Variants in ANKRD45 observed in about 807,000 individuals in gnomAD.
The protein encoded by ANKRD45 is ankyrin repeat domain 45.
A neutral mutation model predicts 28.1 loss-of-function variants in ANKRD45; 21 were observed. That is an observed-to-expected ratio of 0.75 (90% confidence interval 0.53 to 1.08). The LOEUF (loss-of-function observed/expected upper bound fraction) is 1.08, where lower values mean the gene tolerates loss of function less well. Ranked by LOEUF, ANKRD45 falls within the 50% of genes least tolerant of loss-of-function variation. The pLI, the probability that ANKRD45 is intolerant of heterozygous loss-of-function variation, is 0.00. For missense variants in ANKRD45, 261 were observed against 308.7 expected (o/e 0.85, Z 1.16); for synonymous variants, 86 against 103.9 (o/e 0.83, Z 1.05).
intron 1 of ANKRD45, among the ~76,000 whole-genome samples, chr1:173,662,521 G>A (rs1170892564): frequency 6.6e-6 from 1 of 152,118 alleles, no homozygotes; most frequent in African/African-American, 2.4e-5. Flanking sequence ...TAAAGATGGA[G>A]ATGGTTCAGC....
the ANKRD45 span, among the ~76,000 whole-genome samples, chr1:173,702,396 A>T: frequency 6.6e-6 from 1 of 152,180 alleles, no homozygotes; most frequent in Non-Finnish European, 1.5e-5. Context: ...GTATCATCAT[A>T]TAGGGGGTAG....
chr1:173,686,162 G>C, the ANKRD45 span, among the ~76,000 whole-genome samples: 1 of 152,106 alleles, frequency 6.6e-6, no homozygotes, highest in Admixed American at 6.6e-5. Context: ...CTGAAGTAGG[G>C]AGCCATCTTT....
At chr1:173,705,199 T>C in the ANKRD45 span, among the ~76,000 whole-genome samples, 9 of 152,200 alleles carry the variant, frequency 5.9e-5, no homozygotes, top group Non-Finnish European at 1.2e-4. Context: ...CATTACAGCA[T>C]TAACTATGTG....
At chr1:173,681,042 G>C in the ANKRD45 span, among the ~76,000 whole-genome samples, 1 of 151,784 alleles carries the variant, frequency 6.6e-6, no homozygotes, top group Non-Finnish European at 1.5e-5. Flanking sequence ...ATGACGGGTT[G>C]ATGGGTACAG....
chr1:173,651,221 T>C (rs950482162), intron 2 of ANKRD45, among the ~76,000 whole-genome samples: 7 of 152,232 alleles, frequency 4.6e-5, no homozygotes, highest in African/African-American at 1.7e-4. Flanking sequence ...TTTTTATGGT[T>C]TTAGGTCTAA....
At chr1:173,699,435 C>A in the ANKRD45 span, among the ~76,000 whole-genome samples, 1 of 152,242 alleles carries the variant, frequency 6.6e-6, no homozygotes, top group Middle Eastern at 3.4e-3. Context: ...AAAATACTGG[C>A]AAACTGAATC....
chr1:173,646,033 A>G (rs1052325186), intron 3 of ANKRD45, among the ~76,000 whole-genome samples: 1 of 152,236 alleles, frequency 6.6e-6, no homozygotes, highest in East Asian at 1.9e-4. Context: ...TATGCTCACA[A>G]TGGGAATTCA....
chr1:173,664,076 C>A (rs1015936799), intron 1 of ANKRD45, among the ~76,000 whole-genome samples: 2 of 152,020 alleles, frequency 1.3e-5, no homozygotes, highest in Non-Finnish European at 1.5e-5. Flanking sequence ...GGGATACAAC[C>A]CACAGTGTGT....
the ANKRD45 span, among the ~76,000 whole-genome samples, chr1:173,710,260 G>A: frequency 2.0e-5 from 3 of 152,182 alleles, no homozygotes; most frequent in Admixed American, 1.3e-4. Context: ...GAATCCATAT[G>A]GGTCTGCAGC....
chr1:173,688,692 CCTCTCTCTCTTTCTGCCTCTTTCCT>C, the ANKRD45 span, among the ~76,000 whole-genome samples: 1 of 123,542 alleles, frequency 8.1e-6, no homozygotes, highest in Non-Finnish European at 1.6e-5. Context: ...CTGCCTCTTT[CCTCTCTCTCTTTCTGCCTCTTTCCT>C]CTCTCTCTTT....
At chr1:173,698,986 G>A in the ANKRD45 span, among the ~76,000 whole-genome samples, 1 of 151,726 alleles carries the variant, frequency 6.6e-6, no homozygotes, top group Non-Finnish European at 1.5e-5. Flanking sequence ...ATGATAAAAA[G>A]GATATCACCA....
upstream of ANKRD45, among the ~76,000 whole-genome samples, chr1:173,672,030 T>C (rs1024939628): frequency 2.0e-5 from 3 of 152,150 alleles, no homozygotes; most frequent in African/African-American, 7.2e-5. Context: ...GCTCTAAAAC[T>C]TGCCTCGGTC....
At chr1:173,616,329 GA>G (rs997499622) in intron 5 of ANKRD45, among the ~76,000 whole-genome samples, 2 of 150,876 alleles carry the variant, frequency 1.3e-5, no homozygotes, top group African/African-American at 2.4e-5. Flanking sequence ...CCTGCCCCCA[GA>G]AAAAAAAGTT....
chr1:173,629,036 G>A (rs1668070926), intron 3 of ANKRD45, among the ~76,000 whole-genome samples: 1 of 152,254 alleles, frequency 6.6e-6, no homozygotes, highest in Non-Finnish European at 1.5e-5. Flanking sequence ...AGACCATTAA[G>A]ACAGCATCTC....
chr1:173,611,496 T>C (rs1332687305), intron 5 of ANKRD45, among the ~76,000 whole-genome samples: 4 of 151,932 alleles, frequency 2.6e-5, no homozygotes, highest in African/African-American at 4.8e-5. Context: ...CAACTCCTTT[T>C]TGATAAACAT....
chr1:173,692,616 A>G, the ANKRD45 span, among the ~76,000 whole-genome samples: 1 of 152,204 alleles, frequency 6.6e-6, no homozygotes, highest in African/African-American at 2.4e-5. Flanking sequence ...TGACAATCAG[A>G]AGGCTGTGTT....
the ANKRD45 span, among the ~76,000 whole-genome samples, chr1:173,680,069 GAATGCTTTTACACTGTTGGTGGGA>G: frequency 1.3e-5 from 2 of 152,194 alleles, no homozygotes. Flanking sequence ...GGAGAAATAA[GAATGCTTTTACACTGTTGGTGGGA>G]GTGCAAATTA....
chr1:173,670,758 G>A (rs1429449835), upstream of ANKRD45, among the ~76,000 whole-genome samples: 1 of 152,196 alleles, frequency 6.6e-6, no homozygotes, highest in Non-Finnish European at 1.5e-5. Flanking sequence ...TGCAGCCAAT[G>A]CCAGGAAAAG....
intron 5 of ANKRD45, among the ~76,000 whole-genome samples, chr1:173,615,513 G>T (rs917518567): frequency 6.6e-6 from 1 of 151,822 alleles, no homozygotes; most frequent in Admixed American, 6.6e-5. Context: ...ATTCAGACAT[G>T]AATTATAATG....
Sources: allele counts gnomAD v4.1 joint callset (sites outside exome capture counted in the v4.1 genomes callset), GRCh38; gene constraint gnomAD v4.1.1; transcripts MANE v1.5; gene names NCBI Gene and HGNC (gene_info 2026-07-23, HGNC 2026-07-21).